BARD1: variants seen among roughly 807,000 people sequenced by gnomAD.
BARD1 encodes the protein BRCA1 associated RING domain 1.
In BARD1, 73 loss-of-function variants were observed where a neutral mutation model predicts 77.0. The observed-to-expected ratio is 0.95, with a 90% CI of 0.79 to 1.15. The LOEUF is 1.15. Ranked by LOEUF, BARD1 falls within the 50% of genes most tolerant of loss-of-function variation. The pLI, the probability that BARD1 is intolerant of heterozygous loss-of-function variation, is 0.00. For missense variants in BARD1, 993 were observed against 938.8 expected (o/e 1.06, Z -0.75); for synonymous variants, 384 against 338.0 (o/e 1.14, Z -1.49).
At position 214,726,083 on chromosome 2, in the gene BARD1, C is replaced by A; in HGVS notation, c.*2593G>T. On this transcript the variant is annotated 3_prime_UTR_variant, in exon 11 of 11. Coordinates refer to ENST00000260947, the MANE Select transcript of BARD1 (RefSeq NM_000465.4). Reference sequence around the variant, plus strand: ...GGACCGATGAAATAAAGGAAAAATTCTATTTACTAAAATTCAAGTAGCTAA... The same window carrying A: ...GGACCGATGAAATAAAGGAAAAATTATATTTACTAAAATTCAAGTAGCTAA... 1 of 216,752 alleles carries A rather than the reference C, an allele frequency of 4.6e-6. No individual in the cohort carries two copies. Among genetic ancestry groups the A allele is most frequent in the East Asian group, 6.8e-5 (1 of 14,746 alleles). The allele number at this position is 216,752 out of a possible 1,614,324, so 13.4% of individuals were successfully genotyped here. A position where few individuals can be genotyped will look rare whatever the true frequency, so the allele number is the denominator to read the frequency against.
At chr2:214,777,006 C>G (rs1252769974) in intron 4 of BARD1, among the ~76,000 whole-genome samples, 1 of 152,078 alleles carries the variant, frequency 6.6e-6, no homozygotes, top group African/African-American at 2.4e-5. Flanking sequence ...ATCTGGATCT[C>G]AGTCTTACCA....
At chr2:214,798,772 G>GA (rs10707828) in intron 1 of BARD1, among the ~76,000 whole-genome samples, 8 of 127,496 alleles carry the variant, frequency 6.3e-5, no homozygotes, top group Non-Finnish European at 1.3e-4. Flanking sequence ...ATTAAAAAAA[G>GA]AAAAAAAAAA....
intron 3 of BARD1, among the ~76,000 whole-genome samples, chr2:214,789,965 C>T (rs1207468697): frequency 6.6e-6 from 1 of 152,152 alleles, no homozygotes; most frequent in East Asian, 1.9e-4. Flanking sequence ...CAATCTCCAA[C>T]TCTACTTAGA....
chr2:214,794,772 T>A (rs1279020045), intron 2 of BARD1, among the ~76,000 whole-genome samples: 1 of 152,180 alleles, frequency 6.6e-6, no homozygotes, highest in Admixed American at 6.6e-5. Flanking sequence ...TTTTAAAACC[T>A]CATTGCTGAG....
chr2:214,744,759 T>G (rs1247643844), intron 9 of BARD1, among the ~76,000 whole-genome samples: 4 of 152,128 alleles, frequency 2.6e-5, no homozygotes, highest in African/African-American at 9.7e-5. Flanking sequence ...GCCTCCCAAG[T>G]AGCTGGGACT....
intron 4 of BARD1, among the ~76,000 whole-genome samples, chr2:214,771,020 G>A (rs1418174050): frequency 6.6e-6 from 1 of 152,150 alleles, no homozygotes; most frequent in African/African-American, 2.4e-5. Context: ...GTAATATAAA[G>A]GATACTGTCC....
chr2:214,772,415 C>G (rs1694544595), intron 4 of BARD1, among the ~76,000 whole-genome samples: 1 of 151,854 alleles, frequency 6.6e-6, no homozygotes, highest in Admixed American at 6.6e-5. Context: ...AAAACCTTCT[C>G]AAAGATTTCC....
intron 2 of BARD1, among the ~76,000 whole-genome samples, chr2:214,793,562 C>CTT (rs1219414815): frequency 1.3e-5 from 2 of 152,090 alleles, no homozygotes; most frequent in African/African-American, 4.8e-5. Flanking sequence ...TTGTGCAATA[C>CTT]TTAATTATCA....
At chr2:214,734,099 A>G (rs572945163) in intron 9 of BARD1, among the ~76,000 whole-genome samples, 3 of 152,298 alleles carry the variant, frequency 2.0e-5, no homozygotes, top group African/African-American at 7.2e-5. Flanking sequence ...AAAAGCAAAG[A>G]TAATAGGTTT....
chr2:214,801,839 A>G (rs866446478), intron 1 of BARD1, among the ~76,000 whole-genome samples: 1 of 107,494 alleles, frequency 9.3e-6, no homozygotes, highest in Non-Finnish European at 1.9e-5. Context: ...GTTGAAAACC[A>G]AATATTTGGC....
intron 9 of BARD1, chr2:214,731,048 T>G: frequency 3.1e-6 from 1 of 323,678 alleles, no homozygotes; most frequent in Non-Finnish European, 6.3e-6. Context: ...CTTCCTAAAA[T>G]AAACAAGCAG....
At chr2:214,803,479 G>A (rs886092981) in intron 1 of BARD1, among the ~76,000 whole-genome samples, 1 of 152,214 alleles carries the variant, frequency 6.6e-6, no homozygotes. Flanking sequence ...GCTGGAGGTG[G>A]GACGTGCGGG....
chr2:214,730,155 C>G (rs1443670323), intron 10 of BARD1: 2 of 494,206 alleles, frequency 4.0e-6, no homozygotes, highest in Admixed American at 6.6e-5. Context: ...CTTCCTGTAT[C>G]TGAGATTTAC....
At chr2:214,735,429 A>G (rs1272815727) in intron 9 of BARD1, among the ~76,000 whole-genome samples, 2 of 152,332 alleles carry the variant, frequency 1.3e-5, no homozygotes, top group East Asian at 3.9e-4. Context: ...TACTCTGTAC[A>G]TGTCTACAAA....
rs73082591 is a variant in BARD1 at position 214,740,471 on chromosome 2, A to G, written c.1903+4596T>C. 5.8e-3 allele frequency among the ~76,000 whole-genome samples: 876 copies of G among 152,180 alleles called. 9 individuals are homozygous for G. Among genetic ancestry groups the G allele is most frequent in the African/African-American group, 0.019 (807 of 41,564 alleles). On this transcript the variant is annotated intron_variant, in intron 9 of 10. Coordinates refer to ENST00000260947, the MANE Select transcript of BARD1 (RefSeq NM_000465.4). ...CTATTTTTAAAACTGTTATAAACAA[A>G]TAGTCCTCTTCAGTAACCCACCAAT...
chr2:214,788,095 C>A (rs1695352860), intron 3 of BARD1, among the ~76,000 whole-genome samples: 1 of 151,858 alleles, frequency 6.6e-6, no homozygotes. Context: ...ATATATGAAA[C>A]ACTATGTAAT....
At chr2:214,807,818 G>A (rs1434985135) in intron 1 of BARD1, among the ~76,000 whole-genome samples, 1 of 152,198 alleles carries the variant, frequency 6.6e-6, no homozygotes, top group African/African-American at 2.4e-5. Context: ...TCTAAGTGAA[G>A]CCCGATGCTT....
At chr2:214,750,616 C>A (rs1693360898) in intron 7 of BARD1, among the ~76,000 whole-genome samples, 1 of 152,104 alleles carries the variant, frequency 6.6e-6, no homozygotes, top group Admixed American at 6.6e-5. Context: ...AACAGAAGCC[C>A]AGTTTTGTTC....
Position 214,809,674 on chromosome 2 carries a change from T to A in BARD1, c.-105A>T. 2.1e-6 allele frequency: 3 copies of A among 1,431,944 alleles called. No individual in the cohort carries two copies. Among genetic ancestry groups the A allele is most frequent in the Middle Eastern group, 2.4e-4 (1 of 4,112 alleles). 88.7% of individuals were successfully genotyped at this position (1,431,944 alleles called of 1,614,324 possible). On this transcript the variant is annotated 5_prime_UTR_variant, in exon 1 of 11. Transcript: ENST00000260947. ...AGCGACTCGAAACCGGCCAAGCTCT[T>A]CCCGCGTCTGGGACGGCGGGCCGCC...
Sources: allele counts gnomAD v4.1 joint callset (sites outside exome capture counted in the v4.1 genomes callset), GRCh38; gene constraint gnomAD v4.1.1; transcripts MANE v1.5; gene names NCBI Gene and HGNC (gene_info 2026-07-23, HGNC 2026-07-21).